The following GSE1 variants were observed in gnomAD, a reference collection of about 807,000 sequenced individuals.
GSE1 encodes the protein Gse1 coiled-coil protein, also known as genetic suppressor element 1.
Under a neutral mutation model 112.6 loss-of-function variants are expected in GSE1, and 32 were observed. That is an observed-to-expected ratio of 0.28 (90% CI 0.21 to 0.38). The LOEUF (loss-of-function observed/expected upper bound fraction) is 0.38, where lower values mean the gene tolerates loss of function less well. Among genes scored for constraint, GSE1 ranks in the 10% least tolerant of loss-of-function variants. The probability of loss-of-function intolerance (pLI) is 1.00; values close to 1 mark genes in which losing one functional copy is unlikely to be tolerated. For missense variants in GSE1, 2,348 were observed against 1,699.2 expected (o/e 1.38, Z -6.71); for synonymous variants, 1,115 against 735.6 (o/e 1.52, Z -8.35).
chr16:85,370,007 G>T (rs1306890394), intron 2 of GSE1, among the ~76,000 whole-genome samples: 1 of 152,170 alleles, frequency 6.6e-6, no homozygotes, highest in African/African-American at 2.4e-5. Flanking sequence ...TGAGAGGGTG[G>T]CCTCAGTTAG....
chr16:85,554,775 T>TG (rs901552562), upstream of GSE1: 1,172 of 421,676 alleles, frequency 2.8e-3, 1 homozygote, highest in Admixed American at 0.033. Flanking sequence ...CTGTCAGTCG[T>TG]GGGGGGGGAG....
At chr16:85,408,093 G>C (rs550042485) in intron 2 of GSE1, among the ~76,000 whole-genome samples, 2 of 42,946 alleles carry the variant, frequency 4.7e-5, no homozygotes, top group Non-Finnish European at 9.1e-5. Context: ...TACACTCAGG[G>C]CCCCCCTGGA....
chr16:85,481,324 G>T (rs1176525385), intron 2 of GSE1, among the ~76,000 whole-genome samples: 1 of 152,222 alleles, frequency 6.6e-6, no homozygotes, highest in Non-Finnish European at 1.5e-5. Flanking sequence ...AGTGGTTTTT[G>T]TCATGGGAGA....
In GSE1 at chr16:85,633,915, C is replaced by T. The variant is rs777095213; in HGVS notation, c.9C>T (p.Gly3=). 6.8e-6 allele frequency: 11 copies of T among 1,608,016 alleles called. No individual in the cohort carries two copies. In the Admixed American group the frequency reaches 8.4e-5, roughly 12 times the overall value. Residue 3 remains glycine (G), a splice_region_variant and synonymous_variant, in exon 2 of 16, where the codon GGC becomes GGT. Transcript: ENST00000253458. The part of the protein sequence containing the change: MK[G]MSHEPKSPSL... ...CTGGTTCTTCTTTTCCTGTTTCAGG[C>T]ATGAGCCATGAGCCCAAGTCCCCTT...
intron 2 of GSE1, among the ~76,000 whole-genome samples, chr16:85,385,992 C>T (rs550058762): frequency 1.3e-5 from 2 of 152,316 alleles, no homozygotes; most frequent in East Asian, 3.9e-4. Flanking sequence ...CCCCATTCCC[C>T]GAGGGTACAC....
At chr16:85,562,517 ATGGTCATTATGTTACC>A (rs2045568223) in intron 1 of GSE1, among the ~76,000 whole-genome samples, 1 of 152,168 alleles carries the variant, frequency 6.6e-6, no homozygotes, top group Admixed American at 6.5e-5. Context: ...CTGGGAGCAA[ATGGTCATTATGTTACC>A]TGGATTCCGG....
intron 2 of GSE1, among the ~76,000 whole-genome samples, chr16:85,378,658 C>T (rs990262671): frequency 3.3e-5 from 5 of 152,206 alleles, no homozygotes; most frequent in Non-Finnish European, 7.3e-5. Context: ...GTTGCTGACC[C>T]ATCTTAGAGA....
intron 1 of GSE1, among the ~76,000 whole-genome samples, chr16:85,328,002 TGGCTGTGGTCAAGTGGACCCCCA>T (rs2046260978): frequency 6.6e-6 from 1 of 152,200 alleles, no homozygotes; most frequent in Non-Finnish European, 1.5e-5. Context: ...TGAATCCAGC[TGGCTGTGGTCAAGTGGACCCCCA>T]GGTCATGTCC....
At chr16:85,569,759 T>G (rs146519375) in intron 1 of GSE1, among the ~76,000 whole-genome samples, 2 of 152,342 alleles carry the variant, frequency 1.3e-5, no homozygotes, top group East Asian at 3.9e-4. Context: ...TTTACTACAC[T>G]GTGGCCGTGG....
rs1046139978 is a variant in GSE1, at chr16:85,177,452, C to G, written c.2283+5645C>G. On this transcript the variant is annotated intron_variant, in intron 1 of 2. Transcript: ENST00000637419. ...GAGCGTTGCAGGACTTGCCTCCTGA[C>G]TGCACATAGCTCCAGGTGGGACACT... 1.6e-4 allele frequency among the ~76,000 whole-genome samples: 25 copies of G among 152,194 alleles called. 1 individual carries two copies. Among genetic ancestry groups the G allele is most frequent in the Non-Finnish European group, 4.4e-5 (3 of 68,034 alleles).
At chr16:85,659,761 T>TTA (rs1455800453) in intron 8 of GSE1, 4 of 152,248 alleles carry the variant, frequency 2.6e-5, no homozygotes, top group African/African-American at 9.6e-5. Context: ...AACAAGCCAT[T>TTA]TAGTGTAACT....
chr16:85,668,532 CCGTCCTGGGGCA>C, intron 14 of GSE1, 108 bp downstream of exon 14: 2 of 738,950 alleles, frequency 2.7e-6, no homozygotes, highest in Non-Finnish European at 4.4e-6. Flanking sequence ...GACTGTTTCT[CCGTCCTGGGGCA>C]CAGTAGATAT....
At chr16:85,193,118 G>T (rs1173604545) in intron 1 of GSE1, among the ~76,000 whole-genome samples, 1 of 152,094 alleles carries the variant, frequency 6.6e-6, no homozygotes, top group Non-Finnish European at 1.5e-5. Flanking sequence ...ACTTCAAAAC[G>T]GGTTTCCTTT....
chr16:85,606,433 A>G (rs2047706572), upstream of GSE1, among the ~76,000 whole-genome samples: 1 of 152,238 alleles, frequency 6.6e-6, no homozygotes, highest in Non-Finnish European at 1.5e-5. Flanking sequence ...GGACCTGGTC[A>G]GGTGCCCTCA....
intron 2 of GSE1, among the ~76,000 whole-genome samples, chr16:85,646,997 A>T (rs2050927941): frequency 1.3e-5 from 2 of 152,012 alleles, no homozygotes; most frequent in Admixed American, 1.3e-4. Flanking sequence ...CACCACACAC[A>T]CTTGGTCCCC....
intron 1 of GSE1, chr16:85,185,073 T>G (rs1190594418): frequency 6.6e-6 from 1 of 152,274 alleles, no homozygotes; most frequent in Non-Finnish European, 1.5e-5. Context: ...TTTTGTCCAG[T>G]CTTTCATCGT....
chr16:85,607,047 A>G (rs1403383803), upstream of GSE1, among the ~76,000 whole-genome samples: 2 of 125,252 alleles, frequency 1.6e-5, no homozygotes, highest in Non-Finnish European at 3.3e-5. Flanking sequence ...CCATATCTGG[A>G]TACTGGAGAG....
intron 1 of GSE1, among the ~76,000 whole-genome samples, chr16:85,619,226 G>C (rs1019619827): frequency 6.6e-6 from 1 of 152,190 alleles, no homozygotes; most frequent in Non-Finnish European, 1.5e-5. Flanking sequence ...GGTGGCGGGA[G>C]ATGCTTTAAC....
At chr16:85,530,147 G>A (rs1039348580) in intron 2 of GSE1, among the ~76,000 whole-genome samples, 3 of 152,176 alleles carry the variant, frequency 2.0e-5, no homozygotes, top group African/African-American at 7.2e-5. Flanking sequence ...TGCCTCCTCC[G>A]GCCCCCGATT....
Sources: gnomAD v4.1 joint callset for allele counts (sites outside exome capture counted in the v4.1 genomes callset) on GRCh38, gnomAD v4.1.1 for gene constraint, MANE v1.5 for transcripts, NCBI Gene and HGNC (gene_info 2026-07-23, HGNC 2026-07-21) for gene names.